The following ABCG2 variants were observed in gnomAD, a reference collection of about 807,000 sequenced individuals.
The protein encoded by ABCG2 is ATP binding cassette subfamily G member 2 (JR blood group), also known as broad substrate specificity ATP-binding cassette transporter ABCG2.
In ABCG2, 80 loss-of-function variants were observed where a neutral mutation model predicts 73.5. The ratio of observed to expected loss-of-function variants is 1.09; its 90% CI spans 0.91 to 1.31. ABCG2 has a LOEUF of 1.31. ABCG2 is among the 50% of genes most tolerant of loss of function. The pLI, the probability that ABCG2 is intolerant of heterozygous loss-of-function variation, is 0.00. For missense variants in ABCG2, 796 were observed against 786.2 expected (o/e 1.01, Z -0.15); for synonymous variants, 269 against 282.4 (o/e 0.95, Z 0.48).
At chr4:88,157,605 A>G (rs1456492005) in intron 1 of ABCG2, among the ~76,000 whole-genome samples, 2 of 152,224 alleles carry the variant, frequency 1.3e-5, no homozygotes, top group Non-Finnish European at 2.9e-5. Flanking sequence ...ACATCTTTCA[A>G]TGTTTATAAT....
chr4:88,202,010 A>AT (rs1376218922), intron 1 of ABCG2, among the ~76,000 whole-genome samples: 2 of 151,842 alleles, frequency 1.3e-5, no homozygotes, highest in East Asian at 3.9e-4. Context: ...GGGCTTTGGG[A>AT]TTTTTTAAAG....
At chr4:88,101,686 G>C (rs1722433267) in intron 10 of ABCG2, among the ~76,000 whole-genome samples, 1 of 152,140 alleles carries the variant, frequency 6.6e-6, no homozygotes, top group African/African-American at 2.4e-5. Flanking sequence ...AGAGTGTAAT[G>C]GGAAGAGCGT....
intron 1 of ABCG2, among the ~76,000 whole-genome samples, chr4:88,176,811 A>T (rs912635806): frequency 2.0e-5 from 3 of 152,000 alleles, no homozygotes; most frequent in Non-Finnish European, 4.4e-5. Context: ...TTTAAAGTAA[A>T]TCTAATTTTA....
intron 9 of ABCG2, among the ~76,000 whole-genome samples, chr4:88,110,483 C>G (rs1292726317): frequency 6.6e-6 from 1 of 152,032 alleles, no homozygotes; most frequent in African/African-American, 2.4e-5. Flanking sequence ...GCGGAGGTTA[C>G]AGTGAGCCGA....
intron 1 of ABCG2, among the ~76,000 whole-genome samples, chr4:88,182,379 A>G (rs1277518513): frequency 1.3e-5 from 2 of 152,208 alleles, no homozygotes; most frequent in Non-Finnish European, 2.9e-5. Context: ...ATTGAACTTA[A>G]TCTGCACAAT....
At chr4:88,165,241 G>A (rs944625112) in intron 1 of ABCG2, among the ~76,000 whole-genome samples, 3 of 152,184 alleles carry the variant, frequency 2.0e-5, no homozygotes, top group African/African-American at 7.2e-5. Context: ...GTTTTCTATT[G>A]CTGCCATAAC....
intron 1 of ABCG2, among the ~76,000 whole-genome samples, chr4:88,219,499 C>A (rs1179339504): frequency 6.6e-6 from 1 of 150,550 alleles, no homozygotes; most frequent in Non-Finnish European, 1.5e-5. Flanking sequence ...GGCAGACATG[C>A]AAATACCTGA....
At chr4:88,184,495 A>G (rs1189420531) in intron 1 of ABCG2, among the ~76,000 whole-genome samples, 1 of 152,188 alleles carries the variant, frequency 6.6e-6, no homozygotes, top group African/African-American at 2.4e-5. Context: ...AACTTAATCA[A>G]AGGAGTAAAA....
chr4:88,188,970 G>T (rs12645232), intron 1 of ABCG2, among the ~76,000 whole-genome samples: 216 of 151,846 alleles, frequency 1.4e-3, no homozygotes, highest in African/African-American at 5.1e-3. Flanking sequence ...CCAAGATTGC[G>T]CCACTGGACT....
chr4:88,181,252 T>C (rs558509139), intron 1 of ABCG2, among the ~76,000 whole-genome samples: 58 of 151,384 alleles, frequency 3.8e-4, no homozygotes, highest in Middle Eastern at 3.2e-3. Flanking sequence ...ATACAAAAAC[T>C]AGACGAGCAT....
chr4:88,207,484 TCTG>T (rs998052447), intron 1 of ABCG2, among the ~76,000 whole-genome samples: 1 of 152,168 alleles, frequency 6.6e-6, no homozygotes, highest in Admixed American at 6.5e-5. Flanking sequence ...GGACAAGAAA[TCTG>T]CTATTGGGTG....
chr4:88,123,684 G>A (rs989997616), intron 5 of ABCG2, among the ~76,000 whole-genome samples: 22 of 152,082 alleles, frequency 1.4e-4, no homozygotes, highest in African/African-American at 4.8e-4. Flanking sequence ...CAAAACCTAC[G>A]TTTTATTGGT....
At chr4:88,110,161 C>T (rs113529314) in intron 9 of ABCG2, among the ~76,000 whole-genome samples, 8,379 of 152,080 alleles carry the variant, frequency 0.055, 762 homozygotes, top group African/African-American at 0.19. Flanking sequence ...TAATATTTCT[C>T]ACAATATAAA....
chr4:88,218,277 G>A (rs564223891), intron 1 of ABCG2, among the ~76,000 whole-genome samples: 13 of 152,108 alleles, frequency 8.5e-5, no homozygotes, highest in South Asian at 2.1e-4. Flanking sequence ...CCTTCTCACC[G>A]TCTAACATAC....
chr4:88,164,842 A>G (rs923926521), intron 1 of ABCG2, among the ~76,000 whole-genome samples: 6 of 152,110 alleles, frequency 3.9e-5, no homozygotes, highest in African/African-American at 7.2e-5. Context: ...CAGTGGCACA[A>G]TCTCAGCTCG....
At chr4:88,163,188 C>T (rs1215713237), upstream of ABCG2, among the ~76,000 whole-genome samples, 1 of 152,122 alleles carries the variant, frequency 6.6e-6, no homozygotes, top group African/African-American at 2.4e-5. Context: ...CACAGTATTC[C>T]CCCACAGCCC....
intron 1 of ABCG2, among the ~76,000 whole-genome samples, chr4:88,192,813 G>A (rs1728752194): frequency 2.0e-5 from 3 of 151,784 alleles, no homozygotes; most frequent in Admixed American, 1.3e-4. Context: ...CTGGGTTCAA[G>A]TGATTCTCCT....
At chr4:88,143,414 T>G (rs1009537047) in intron 1 of ABCG2, among the ~76,000 whole-genome samples, 2 of 152,230 alleles carry the variant, frequency 1.3e-5, no homozygotes, top group African/African-American at 4.8e-5. Context: ...ATCAAATAAC[T>G]TATTGCTTGA....
chr4:88,222,847 G>A (rs751642012), intron 1 of ABCG2, among the ~76,000 whole-genome samples: 27 of 152,312 alleles, frequency 1.8e-4, no homozygotes, highest in Middle Eastern at 3.4e-3. Context: ...CACCAGCCAC[G>A]AAAGCAGCTG....
Sources: allele counts gnomAD v4.1 joint callset (sites outside exome capture counted in the v4.1 genomes callset), GRCh38; gene constraint gnomAD v4.1.1; transcripts MANE v1.5; gene names NCBI Gene and HGNC (gene_info 2026-07-23, HGNC 2026-07-21).